The following SHISAL2B variants were observed in gnomAD, a reference collection of about 807,000 sequenced individuals.
The protein encoded by SHISAL2B is protein shisa-like-2B.
SHISAL2B carries 12 observed loss-of-function variants against 16.5 expected under a neutral mutation model. That is an observed-to-expected ratio of 0.73 (90% CI 0.47 to 1.18). The LOEUF is 1.18. Among genes scored for constraint, SHISAL2B ranks in the 50% most tolerant of loss-of-function variants. SHISAL2B has a pLI of 0.00. For missense variants in SHISAL2B, 183 were observed against 193.6 expected, an observed-to-expected ratio of 0.95 and a Z score of 0.33; for synonymous variants, 72 against 75.0, an observed-to-expected ratio of 0.96 and a Z score of 0.21.
At position 64,690,602 on chromosome 5, in the gene SHISAL2B, C is replaced by A; in HGVS notation, c.-22C>A. 6.9e-7 allele frequency: 1 copy of A among 1,445,314 alleles called. No individual in the cohort carries two copies. Among genetic ancestry groups the A allele is most frequent in the Non-Finnish European group, 9.1e-7 (1 of 1,096,134 alleles). 89.5% of individuals were successfully genotyped at this position (1,445,314 alleles called of 1,614,324 possible). A position where few individuals can be genotyped will look rare whatever the true frequency, so the allele number is the denominator to read the frequency against. On this transcript the variant is annotated 5_prime_UTR_variant, in exon 1 of 3. Transcript: ENST00000389074. ...GAGAGCAGACCGGGGCCCTCGCGAG[C>A]CTCTCCCGGCCCCTGCCCGCGATGA...
intron 2 of SHISAL2B, among the ~76,000 whole-genome samples, chr5:64,700,793 G>A (rs988361008): frequency 2.0e-5 from 3 of 152,130 alleles, no homozygotes; most frequent in Admixed American, 6.5e-5. Context: ...TTTGCAGGTC[G>A]GGGGTGGGAG....
intron 1 of SHISAL2B, chr5:64,694,091 A>T: frequency 2.2e-6 from 1 of 455,924 alleles, no homozygotes; most frequent in Non-Finnish European, 4.4e-6. Context: ...GTACAGGTCA[A>T]ACTTGTCAGT....
intron 2 of SHISAL2B, among the ~76,000 whole-genome samples, chr5:64,715,255 G>A (rs1317481089): frequency 6.6e-6 from 1 of 151,312 alleles, no homozygotes; most frequent in Non-Finnish European, 1.5e-5. Context: ...AAGCCAGGAA[G>A]TATTAGCATA....
chr5:64,690,872 A>C, intron 1 of SHISAL2B, 58 bp downstream of exon 1: 2 of 1,407,422 alleles, frequency 1.4e-6, no homozygotes, highest in Non-Finnish European at 1.9e-6. Flanking sequence ...GGGAGGCGAC[A>C]AGCGGAGCCA....
At chr5:64,696,318 A>G (rs1196364537) in intron 2 of SHISAL2B, among the ~76,000 whole-genome samples, 2 of 152,230 alleles carry the variant, frequency 1.3e-5, no homozygotes, top group African/African-American at 2.4e-5. Context: ...ATTGTGTTAA[A>G]CTGTACAAAT....
chr5:64,712,298 C>A (rs1204692388), intron 2 of SHISAL2B, among the ~76,000 whole-genome samples: 2 of 151,960 alleles, frequency 1.3e-5, no homozygotes, highest in Non-Finnish European at 2.9e-5. Context: ...CGTTATGTAC[C>A]CAGTAGTCAT....
chr5:64,697,329 G>C (rs1741752514), intron 2 of SHISAL2B, among the ~76,000 whole-genome samples: 2 of 152,118 alleles, frequency 1.3e-5, no homozygotes, highest in South Asian at 4.1e-4. Flanking sequence ...GCATATAAAA[G>C]AAATAGAAAA....
intron 2 of SHISAL2B, among the ~76,000 whole-genome samples, chr5:64,703,681 T>G (rs2112064295): frequency 6.6e-6 from 1 of 152,284 alleles, no homozygotes; most frequent in Middle Eastern, 3.4e-3. Flanking sequence ...GTTGGAAGAA[T>G]TTAACAATAC....
At chr5:64,708,564 C>A (rs1283931250) in intron 2 of SHISAL2B, among the ~76,000 whole-genome samples, 1 of 152,144 alleles carries the variant, frequency 6.6e-6, no homozygotes, top group Non-Finnish European at 1.5e-5. Flanking sequence ...ACAATCCATA[C>A]AATGCCTGAT....
At chr5:64,716,162 A>G (rs189857727) in intron 2 of SHISAL2B, among the ~76,000 whole-genome samples, 1 of 152,260 alleles carries the variant, frequency 6.6e-6, no homozygotes, top group East Asian at 1.9e-4. Context: ...TTTATTAGCC[A>G]TTTTATCTTT....
At chr5:64,710,003 G>T (rs1483274173) in intron 2 of SHISAL2B, among the ~76,000 whole-genome samples, 1 of 149,732 alleles carries the variant, frequency 6.7e-6, no homozygotes, top group Non-Finnish European at 1.5e-5. Context: ...TCACTCTGAT[G>T]GTAGTTTCTT....
intron 2 of SHISAL2B, among the ~76,000 whole-genome samples, chr5:64,714,958 T>G (rs1256596690): frequency 1.3e-5 from 2 of 152,070 alleles, no homozygotes; most frequent in African/African-American, 2.4e-5. Context: ...CCTAGTGAGA[T>G]GAACCCGGTA....
rs771193726 is a variant in SHISAL2B at position 64,690,667 on chromosome 5, AC to A, written c.46del (p.Gln16ArgfsTer53). ...CTGTGCTCCGGCTACTACAGCCTCA[AC>A]CAGAGCTTCGTGGAGCCCTTCCAGT... ...SRLCSGYYSL[N>X]QSFVEPFQCP... On this transcript the variant is annotated frameshift_variant, in exon 1 of 3. Transcript: ENST00000389074. LOFTEE classifies it high-confidence loss of function. 1 of 1,533,416 alleles carries A rather than the reference AC, an allele frequency of 6.5e-7. No homozygotes were observed. The highest frequency in any genetic ancestry group is 8.7e-7 in the Non-Finnish European group (1 of 1,145,446). The allele number at this position is 1,533,416 out of a possible 1,614,324, so 95.0% of individuals were successfully genotyped here.
intron 1 of SHISAL2B, among the ~76,000 whole-genome samples, chr5:64,694,456 C>T (rs956314170): frequency 6.6e-6 from 1 of 152,170 alleles, no homozygotes; most frequent in African/African-American, 2.4e-5. Context: ...TTCCCAAGCT[C>T]TTTTCCCATT....
chr5:64,692,095 A>ATAGCTTATCCTTAGTAGATTACATGG (rs1453781267), intron 1 of SHISAL2B, among the ~76,000 whole-genome samples: 3 of 152,202 alleles, frequency 2.0e-5, no homozygotes, highest in Non-Finnish European at 4.4e-5. Flanking sequence ...GAAAATAATG[A>ATAGCTTATCCTTAGTAGATTACATGG]TAGCTTATCC....
At position 64,712,566 on chromosome 5, in the gene SHISAL2B, A is replaced by G. The variant is rs1741975001; in HGVS notation, c.350-5323A>G. 3.3e-5 allele frequency among the ~76,000 whole-genome samples: 5 copies of G among 151,208 alleles called. No homozygotes were observed. In the South Asian group the frequency reaches 1.1e-3, roughly 32 times the overall value. On this transcript the variant is annotated intron_variant, in intron 2 of 2. Transcript: ENST00000389074. The stretch of plus-strand genomic sequence containing the variant: ...GATGTCTATTAGGTCCACTTGGTGC[A>G]GAGCTGAGTTCAATTCCTGGGTATC...
At chr5:64,698,577 C>T (rs1455739122) in intron 2 of SHISAL2B, among the ~76,000 whole-genome samples, 1 of 152,118 alleles carries the variant, frequency 6.6e-6, no homozygotes, top group Admixed American at 6.5e-5. Flanking sequence ...AGTTACCTTC[C>T]CAGGAGCTCT....
chr5:64,695,431 A>G lies in SHISAL2B; in HGVS notation c.192-76A>G. 7 of 960,732 alleles carry G rather than the reference A, an allele frequency of 7.3e-6. No homozygotes were observed. In the South Asian group the frequency reaches 1.0e-4, roughly 14 times the overall value. 59.5% of individuals were successfully genotyped at this position (960,732 alleles called of 1,614,324 possible). On this transcript the variant is annotated intron_variant, in intron 1 of 2. Coordinates refer to ENST00000389074, the MANE Select transcript of SHISAL2B (RefSeq NM_001164442.2). ...ATAACTGAAAACAAGAATTAACAAT[A>G]TATTTATGCCTTCTCTTTAGTTGAA...
intron 2 of SHISAL2B, among the ~76,000 whole-genome samples, chr5:64,716,360 T>C (rs1204105782): frequency 1.3e-5 from 2 of 152,232 alleles, no homozygotes; most frequent in South Asian, 2.1e-4. Flanking sequence ...CTAATATTTA[T>C]TGAACAACTA....
Sources: allele counts gnomAD v4.1 joint callset (sites outside exome capture counted in the v4.1 genomes callset), GRCh38; gene constraint gnomAD v4.1.1; transcripts MANE v1.5; gene names NCBI Gene and HGNC (gene_info 2026-07-23, HGNC 2026-07-21).